The following RDH10 variants were observed in gnomAD, a reference collection of about 807,000 sequenced individuals.
RDH10 encodes the protein retinol dehydrogenase 10 (all-trans).
A neutral mutation model predicts 30.2 loss-of-function variants in RDH10; 12 were observed. The ratio of observed to expected loss-of-function variants is 0.40; its 90% CI spans 0.25 to 0.64. RDH10 has a LOEUF of 0.64. Ranked by LOEUF, RDH10 falls within the 30% of genes least tolerant of loss-of-function variation. RDH10 has a pLI of 0.43. For synonymous variants in RDH10, 189 were observed against 172.2 expected (o/e 1.10, Z -0.76); for missense variants, 268 against 445.2 (o/e 0.60, Z 3.58).
chr8:73,296,776 G>C (rs1169942593), intron 1 of RDH10, among the ~76,000 whole-genome samples: 1 of 152,084 alleles, frequency 6.6e-6, no homozygotes, highest in Admixed American at 6.5e-5. Flanking sequence ...CCATTTTGAG[G>C]GTTCTCATAC....
Position 73,295,570 on chromosome 8 carries a change from C to G in RDH10, c.281C>G (p.Ala94Gly). Residue 94 changes from alanine (A) to glycine (G), a missense_variant, in exon 1 of 6, where the codon GCG becomes GGG. By Grantham distance (60) the Ala-to-Gly change is moderately conservative (BLOSUM62 0). Around this residue, in one of 4 missense-constraint regions of RDH10, gnomAD observed 46 missense variants for 36.7 expected, o/e 1.25. Coordinates refer to ENST00000240285, the MANE Select transcript of RDH10 (RefSeq NM_172037.5). ...GACCTGGAGGCGGCCGACGCCGCTGCGCTGCAAGGTAACCTGGACCCGCGC... is the reference window on the plus strand; with the variant it reads ...GACCTGGAGGCGGCCGACGCCGCTGGGCTGCAAGGTAACCTGGACCCGCGC... ...YRDLEAADAA[A>G]LQAGNGEEEI... 6.6e-7 allele frequency: 1 copy of G among 1,522,722 alleles called. No individual in the cohort carries two copies. Among genetic ancestry groups the G allele is most frequent in the South Asian group, 1.2e-5 (1 of 80,622 alleles). The allele number at this position is 1,522,722 out of a possible 1,614,324, so 94.3% of individuals were successfully genotyped here.
chr8:73,301,827 C>T (rs895415320), intron 2 of RDH10, among the ~76,000 whole-genome samples: 3 of 152,234 alleles, frequency 2.0e-5, no homozygotes, highest in African/African-American at 7.2e-5. Flanking sequence ...AGGGCTGTCT[C>T]ACCCTTGTTG....
At chr8:73,320,469 GTTTTTGTTTTTT>G (rs1289609036) in intron 3 of RDH10, among the ~76,000 whole-genome samples, 1 of 121,104 alleles carries the variant, frequency 8.3e-6, no homozygotes, top group East Asian at 2.2e-4. Flanking sequence ...TTTTGTTTTT[GTTTTTGTTTTTT>G]TTTTTTTGAG....
chr8:73,294,847 C>T lies in RDH10; in HGVS notation c.-443C>T, dbSNP rs936920938. On this transcript the variant is annotated 5_prime_UTR_variant, in exon 1 of 6. Coordinates refer to ENST00000240285, the MANE Select transcript of RDH10 (RefSeq NM_172037.5). ...CAACTCCCGCGGCAGCCCGCTGGCC[C>T]GTGCCGCCTCCGCTGCGCACCCCTC... is the stretch of plus-strand genomic sequence containing the variant. 6 of 388,542 alleles carry T rather than the reference C, an allele frequency of 1.5e-5. No homozygotes were observed. The highest frequency in any genetic ancestry group is 2.7e-5 in the Non-Finnish European group (6 of 219,446). The allele number at this position is 388,542 out of a possible 1,614,324, so 24.1% of individuals were successfully genotyped here. A position where few individuals can be genotyped will look rare whatever the true frequency, so the allele number is the denominator to read the frequency against.
chr8:73,298,576 T>C (rs983594503), intron 2 of RDH10, among the ~76,000 whole-genome samples: 4 of 152,154 alleles, frequency 2.6e-5, no homozygotes, highest in Admixed American at 6.6e-5. Context: ...TCACCCAGGC[T>C]GAATGCAGTG....
rs1563553638 is a variant in RDH10 at position 73,323,840 on chromosome 8, CGG to C, written c.*807_*808del. ...CTAATTTTTGTATTTTTAGTAGAGA[CGG>C]GGTTTCACCATGTTGGTCAGGATGG... On this transcript the variant is annotated 3_prime_UTR_variant, in exon 6 of 6. Transcript: ENST00000240285. The C allele has an allele frequency of 6.6e-6, 1 of 152,022 alleles. No individual in the cohort carries two copies. The highest frequency in any genetic ancestry group is 2.4e-5 in the African/African-American group (1 of 41,370). 9.4% of individuals were successfully genotyped at this position (152,022 alleles called of 1,614,324 possible).
intron 2 of RDH10, among the ~76,000 whole-genome samples, chr8:73,318,344 C>T (rs976848754): frequency 6.6e-6 from 1 of 152,162 alleles, no homozygotes; most frequent in Non-Finnish European, 1.5e-5. Flanking sequence ...GTTTCAGGGC[C>T]TCTGGGTCCC....
chr8:73,310,664 G>A (rs956192798), intron 2 of RDH10, among the ~76,000 whole-genome samples: 1 of 152,192 alleles, frequency 6.6e-6, no homozygotes, highest in African/African-American at 2.4e-5. Flanking sequence ...ACAGCCTGTT[G>A]TTTGGCAAGC....
chr8:73,298,418 G>T (rs889047415), intron 2 of RDH10, among the ~76,000 whole-genome samples: 48 of 152,158 alleles, frequency 3.2e-4, no homozygotes, highest in African/African-American at 1.1e-3. Context: ...ACTTAATCTG[G>T]CATTAAAAGT....
rs760789324 is a variant in RDH10 at position 73,295,252 on chromosome 8, C to A, written c.-38C>A. ...TTGCCGGGCTCGGGGTGGGCGCGGACGCAGGCACTGGGCTCGTGCGGGGCC... is the reference window on the plus strand; with the variant it reads ...TTGCCGGGCTCGGGGTGGGCGCGGAAGCAGGCACTGGGCTCGTGCGGGGCC... On this transcript the variant is annotated 5_prime_UTR_variant, in exon 1 of 6. Coordinates refer to ENST00000240285, the MANE Select transcript of RDH10 (RefSeq NM_172037.5). 152 of 1,511,290 alleles carry A rather than the reference C, an allele frequency of 1.0e-4. No homozygotes were observed. The highest frequency in any genetic ancestry group is 1.3e-4 in the Non-Finnish European group (145 of 1,133,762). The allele number at this position is 1,511,290 out of a possible 1,614,324, so 93.6% of individuals were successfully genotyped here.
At chr8:73,295,888 G>C (rs1404375847) in intron 1 of RDH10, 1 of 1,185,216 alleles carries the variant, frequency 8.4e-7, no homozygotes, top group Non-Finnish European at 1.1e-6. Flanking sequence ...CACAGGTTTG[G>C]ATCCCAAAGA....
rs574848338 is a variant in RDH10 at position 73,304,935 on chromosome 8, A to T, written c.525+7506A>T. ...GTTTGATCATGGAGTGAGTTGTGTT[A>T]TTTATCTCAATTCCTGGAAGGAAGC... is the stretch of plus-strand genomic sequence containing the variant. On this transcript the variant is annotated intron_variant, in intron 2 of 5. Transcript: ENST00000240285. Among the ~76,000 whole-genome samples the T allele has an allele frequency of 2.1e-3, 326 of 152,264 alleles. 2 individuals carry two copies. The highest frequency in any genetic ancestry group is 7.6e-3 in the African/African-American group (317 of 41,548).
rs1814798345 is a variant in RDH10, at chr8:73,323,164, T to A, written c.*128T>A. On this transcript the variant is annotated 3_prime_UTR_variant, in exon 6 of 6. Coordinates refer to ENST00000240285, the MANE Select transcript of RDH10 (RefSeq NM_172037.5). ...TTGTTTCTTTTTTAAATCAACTTTT[T>A]AAAAAAATAAAGTGTAAATTAACCG... The A allele has an allele frequency of 5.2e-6, 4 of 775,902 alleles. No homozygotes were observed. Among genetic ancestry groups the A allele is most frequent in the Admixed American group, 5.3e-5 (2 of 37,474 alleles). The allele number at this position is 775,902 out of a possible 1,614,324, so 48.1% of individuals were successfully genotyped here. A position where few individuals can be genotyped will look rare whatever the true frequency, so the allele number is the denominator to read the frequency against.
At chr8:73,309,276 G>A (rs547179261) in intron 2 of RDH10, among the ~76,000 whole-genome samples, 3 of 152,276 alleles carry the variant, frequency 2.0e-5, no homozygotes, top group Non-Finnish European at 4.4e-5. Flanking sequence ...AGTCAGGGCC[G>A]GCCAGTGAAG....
rs57107587 is a variant in RDH10 at position 73,301,042 on chromosome 8, CTTTTTTTTTTTTT to C, written c.525+3627_525+3639del. Among the ~76,000 whole-genome samples the C allele has an allele frequency of 1.8e-4, 16 of 87,234 alleles. No individual in the cohort carries two copies. In the South Asian group the frequency reaches 6.4e-3, roughly 35 times the overall value. The allele number at this position is 87,234 out of a possible 152,430, so 57.2% of individuals were successfully genotyped here. On this transcript the variant is annotated intron_variant, in intron 2 of 5. Transcript: ENST00000240285. ...CCTTTGCCTGGAACAAAACTCTATTCTTTTTTTTTTTTTTTTTTTTTTTTTTGAGACGGAGTCT... is the reference window on the plus strand; with the variant it reads ...CCTTTGCCTGGAACAAAACTCTATTCTTTTTTTTTTTTTGAGACGGAGTCT...
intron 2 of RDH10, among the ~76,000 whole-genome samples, chr8:73,308,678 G>A (rs1814504956): frequency 6.6e-6 from 1 of 152,136 alleles, no homozygotes; most frequent in South Asian, 2.1e-4. Flanking sequence ...AAGGTAAATA[G>A]ACATAGAGTC....
rs553673955 is a variant in RDH10 at position 73,319,030 on chromosome 8, C to T, written c.526-66C>T. Reference sequence around the variant, plus strand: ...TGTGAATAAAAGTTTGTTTTGTGATCCTGGACTGGGTTTTAGATGAAATTC... The same window carrying T: ...TGTGAATAAAAGTTTGTTTTGTGATTCTGGACTGGGTTTTAGATGAAATTC... On this transcript the variant is annotated intron_variant, in intron 2 of 5. Transcript: ENST00000240285. The T allele has an allele frequency of 5.8e-6, 6 of 1,037,592 alleles. No homozygotes were observed. The South Asian group carries it at 8.6e-5, about 15-fold the overall frequency. 64.3% of individuals were successfully genotyped at this position (1,037,592 alleles called of 1,614,324 possible).
At chr8:73,297,122 C>T (rs576783761) in intron 1 of RDH10, 72 bp from the exon 2 acceptor site, 13 of 849,580 alleles carry the variant, frequency 1.5e-5, no homozygotes, top group Admixed American at 1.5e-4. Context: ...TCCTACTGAT[C>T]GCCATGTGAC....
intron 2 of RDH10, among the ~76,000 whole-genome samples, chr8:73,315,156 C>CCCCCTCGCCCTTTTT (rs1814637456): frequency 7.8e-6 from 1 of 127,832 alleles, no homozygotes. Flanking sequence ...CTCTCTCTCT[C>CCCCCTCGCCCTTTTT]TCTCCCCCCA....
Sources: allele counts gnomAD v4.1 joint callset (sites outside exome capture counted in the v4.1 genomes callset), GRCh38; gene constraint gnomAD v4.1.1; regional missense constraint gnomAD v4.1.1; transcripts MANE v1.5; gene names NCBI Gene and HGNC (gene_info 2026-07-23, HGNC 2026-07-21).